SUMO2: variants seen among roughly 807,000 people sequenced by gnomAD.
SUMO2 encodes the protein small ubiquitin like modifier 2.
SUMO2 carries 1 observed loss-of-function variant against 16.0 expected under a neutral mutation model. The observed-to-expected ratio is 0.06, with a 90% CI of 0.02 to 0.30. The LOEUF is 0.30. SUMO2 is among the 10% of genes least tolerant of loss of function. The pLI, the probability that SUMO2 is intolerant of heterozygous loss-of-function variation, is 1.00. For missense variants in SUMO2, 16 were observed against 117.5 expected, an observed-to-expected ratio of 0.14 and a Z score of 3.99; for synonymous variants, 36 against 40.6, an observed-to-expected ratio of 0.89 and a Z score of 0.43.
intron 3 of SUMO2, among the ~76,000 whole-genome samples, chr17:75,173,095 A>G (rs918865858): frequency 6.6e-6 from 1 of 152,214 alleles, no homozygotes; most frequent in Non-Finnish European, 1.5e-5. Flanking sequence ...ATAAAGTTGA[A>G]ATTCAAAAGT....
At chr17:75,176,886 T>G (rs1047386194) in intron 2 of SUMO2, among the ~76,000 whole-genome samples, 1 of 151,834 alleles carries the variant, frequency 6.6e-6, no homozygotes, top group Non-Finnish European at 1.5e-5. Context: ...ATAACCATCA[T>G]CTACTTAAAA....
rs908480021 is a variant in SUMO2 at position 75,177,217 on chromosome 17, A to C, written c.154-2394T>G. On this transcript the variant is annotated intron_variant, in intron 2 of 3. Transcript: ENST00000420826. ...TAATTAAATAAATAAAAATACAAAA[A>C]ATTAGCCAGGCTAGGTGGCAGGCGC... Among the ~76,000 whole-genome samples the C allele has an allele frequency of 3.3e-5, 5 of 151,820 alleles. No individual in the cohort carries two copies. In the South Asian group the frequency reaches 1.0e-3, roughly 31 times the overall value.
chr17:75,180,132 G>C (rs2074815360), intron 2 of SUMO2, among the ~76,000 whole-genome samples: 1 of 151,564 alleles, frequency 6.6e-6, no homozygotes, highest in Non-Finnish European at 1.5e-5. Flanking sequence ...CTTGAGGTCA[G>C]GAGTTGAGGT....
intron 2 of SUMO2, among the ~76,000 whole-genome samples, chr17:75,177,482 C>A (rs1479426909): frequency 6.6e-6 from 1 of 152,016 alleles, no homozygotes; most frequent in African/African-American, 2.4e-5. Context: ...AGTTTCAGAG[C>A]AGCCAACCTG....
chr17:75,174,194 A>T (rs1003905869), intron 3 of SUMO2, among the ~76,000 whole-genome samples: 5 of 152,192 alleles, frequency 3.3e-5, no homozygotes, highest in Admixed American at 3.3e-4. Flanking sequence ...GTTCAAGACC[A>T]GCCTGGCCAA....
chr17:75,181,512 ATACTT>A (rs578181005), intron 1 of SUMO2, among the ~76,000 whole-genome samples: 1 of 152,112 alleles, frequency 6.6e-6, no homozygotes, highest in Non-Finnish European at 1.5e-5. Context: ...CACTCCCAAA[ATACTT>A]TACCCCCCAA....
chr17:75,171,960 A>G (rs1598222563), intron 3 of SUMO2, among the ~76,000 whole-genome samples: 1 of 151,792 alleles, frequency 6.6e-6, no homozygotes, highest in East Asian at 1.9e-4. Flanking sequence ...TACCAGCCTC[A>G]TTTATCAATA....
chr17:75,182,916 G>A lies in SUMO2; in HGVS notation c.-82C>T, dbSNP rs1303327631. 1.7e-6 allele frequency: 2 copies of A among 1,205,316 alleles called. No homozygotes were observed. The highest frequency in any genetic ancestry group is 1.1e-6 in the Non-Finnish European group (1 of 941,078). 74.7% of individuals were successfully genotyped at this position (1,205,316 alleles called of 1,614,324 possible). ...CCAAACGAGCACACAAGCAGCACCA[G>A]GAGCGGCAGAAGAAGGAGGCGGCAG... On this transcript the variant is annotated 5_prime_UTR_variant, in exon 1 of 4. Coordinates refer to ENST00000420826, the MANE Select transcript of SUMO2 (RefSeq NM_006937.4).
intron 3 of SUMO2, among the ~76,000 whole-genome samples, chr17:75,170,866 A>AC (rs1389737854): frequency 6.6e-6 from 1 of 151,826 alleles, no homozygotes; most frequent in African/African-American, 2.4e-5. Context: ...AAAAAAAAAA[A>AC]AAACCCAAAT....
At position 75,172,011 on chromosome 17, in the gene SUMO2, CT is replaced by C. The variant is rs573705094; in HGVS notation, c.225+2740del. On this transcript the variant is annotated intron_variant, in intron 3 of 3. Coordinates refer to ENST00000420826, the MANE Select transcript of SUMO2 (RefSeq NM_006937.4). ...TTGTGGCTACATACCATAATTGCGC[CT>C]TTTTTTTTTTTTTTGACAGGGTTTC... Among the ~76,000 whole-genome samples, 861 of 139,202 alleles carry C rather than the reference CT, an allele frequency of 6.2e-3. 2 individuals carry two copies. The highest frequency in any genetic ancestry group is 9.7e-3 in the South Asian group (43 of 4,438). The allele number at this position is 139,202 out of a possible 152,430, so 91.3% of individuals were successfully genotyped here.
chr17:75,172,607 G>A (rs546806206), intron 3 of SUMO2, among the ~76,000 whole-genome samples: 3 of 150,754 alleles, frequency 2.0e-5, no homozygotes, highest in Non-Finnish European at 2.9e-5. Context: ...TCAGCCTCCC[G>A]AGCAGCTGGG....
intron 2 of SUMO2, among the ~76,000 whole-genome samples, chr17:75,180,434 T>A (rs1295542346): frequency 7.6e-6 from 1 of 131,524 alleles, no homozygotes; most frequent in Non-Finnish European, 1.6e-5. Flanking sequence ...ACTTCTTGGT[T>A]TGGCGCGGTG....
At chr17:75,175,732 G>C (rs1477843535) in intron 2 of SUMO2, among the ~76,000 whole-genome samples, 5 of 150,736 alleles carry the variant, frequency 3.3e-5, no homozygotes, top group African/African-American at 7.3e-5. Flanking sequence ...TCCTGGGTTC[G>C]AGTGGTTCTC....
chr17:75,175,313 A>G lies in SUMO2; in HGVS notation c.154-490T>C, dbSNP rs547596392. 1.4e-4 allele frequency among the ~76,000 whole-genome samples: 21 copies of G among 146,594 alleles called. No homozygotes were observed. In the South Asian group the frequency reaches 3.5e-3, roughly 24 times the overall value. On this transcript the variant is annotated intron_variant, in intron 2 of 3. Transcript: ENST00000420826. Reference sequence around the variant, plus strand: ...TTTTCAGTGAACAGTAAGATGTAGTATTTTTTTTCCTTTTCTTTTTTTTTT... The same window carrying G: ...TTTTCAGTGAACAGTAAGATGTAGTGTTTTTTTTCCTTTTCTTTTTTTTTT...
At position 75,180,276 on chromosome 17, in the gene SUMO2, TGCAC is replaced by T. The variant is rs1568049112; in HGVS notation, c.153+777_153+780del. Among the ~76,000 whole-genome samples, 23 of 151,516 alleles carry T rather than the reference TGCAC, an allele frequency of 1.5e-4. 1 individual carries two copies. The East Asian group carries it at 4.3e-3, about 28-fold the overall frequency. On this transcript the variant is annotated intron_variant, in intron 2 of 3. Transcript: ENST00000420826. ...TTGCAGTGAGCCAAGATTGCACCAC[TGCAC>T]TCCAGCCTGGGCAACAGAGCAAGAC...
In SUMO2 at chr17:75,167,587, C is replaced by T. The variant is rs1035688108; in HGVS notation, c.*752G>A. 1 of 152,082 alleles carries T rather than the reference C, an allele frequency of 6.6e-6. No homozygotes were observed. Among genetic ancestry groups the T allele is most frequent in the African/African-American group, 2.4e-5 (1 of 41,442 alleles). The allele number at this position is 152,082 out of a possible 1,614,324, so 9.4% of individuals were successfully genotyped here. The stretch of plus-strand genomic sequence containing the variant: ...AGGTGATATTTATAAAACTGTTATT[C>T]TTTGTTTGGCATCAGTATCAGTCTG... On this transcript the variant is annotated 3_prime_UTR_variant, in exon 4 of 4. Transcript: ENST00000420826.
intron 2 of SUMO2, among the ~76,000 whole-genome samples, chr17:75,180,357 T>G (rs1172572504): frequency 8.1e-6 from 1 of 123,526 alleles, no homozygotes; most frequent in Non-Finnish European, 1.6e-5. Flanking sequence ...GTAGATAAGT[T>G]CTAGCTTAAA....
intron 3 of SUMO2, among the ~76,000 whole-genome samples, chr17:75,169,872 G>T (rs867038007): frequency 4.6e-4 from 69 of 148,860 alleles, no homozygotes; most frequent in Middle Eastern, 6.9e-3. Flanking sequence ...AAGGTGGGGG[G>T]GGGCGGGTGT....
chr17:75,181,255 A>G, intron 1 of SUMO2, 67 bp from the exon 2 acceptor site: 2 of 1,548,536 alleles, frequency 1.3e-6, no homozygotes, highest in Non-Finnish European at 1.8e-6. Flanking sequence ...ATAAAGCAGC[A>G]GCAGCCCTAG....
Sources: gnomAD v4.1 joint callset for allele counts (sites outside exome capture counted in the v4.1 genomes callset) on GRCh38, gnomAD v4.1.1 for gene constraint, MANE v1.5 for transcripts, NCBI Gene and HGNC (gene_info 2026-07-23, HGNC 2026-07-21) for gene names.